ADORA2B: variants seen among roughly 807,000 people sequenced by gnomAD.
ADORA2B encodes the protein adenosine A2b receptor, also known as adenosine receptor A2b.
A neutral mutation model predicts 20.8 loss-of-function variants in ADORA2B; 18 were observed. That is an observed-to-expected ratio of 0.87 (90% CI 0.60 to 1.29). The LOEUF (loss-of-function observed/expected upper bound fraction) is 1.29. Among genes scored for constraint, ADORA2B ranks in the 50% most tolerant of loss-of-function variants. ADORA2B has a pLI of 0.00. For synonymous variants in ADORA2B, 179 were observed against 178.3 expected, an observed-to-expected ratio of 1.00 and a Z score of -0.03; for missense variants, 441 against 422.7, an observed-to-expected ratio of 1.04 and a Z score of -0.38.
the ADORA2B span, among the ~76,000 whole-genome samples, chr17:15,920,329 C>A: frequency 6.6e-6 from 1 of 152,138 alleles, no homozygotes; most frequent in African/African-American, 2.4e-5. Context: ...GTTCAGTATA[C>A]CCATGGAACA....
intron 1 of ADORA2B, among the ~76,000 whole-genome samples, chr17:15,957,701 A>C (rs1044683140): frequency 1.3e-5 from 2 of 151,646 alleles, no homozygotes. Flanking sequence ...TCTGGACCCA[A>C]CTCCTGCTTT....
At chr17:15,932,267 G>A in the ADORA2B span, among the ~76,000 whole-genome samples, 5 of 152,010 alleles carry the variant, frequency 3.3e-5, no homozygotes, top group South Asian at 1.0e-3. Context: ...GGCCGAGGTG[G>A]GAGGATCACT....
chr17:15,932,716 T>C, the ADORA2B span, among the ~76,000 whole-genome samples: 2 of 152,146 alleles, frequency 1.3e-5, no homozygotes, highest in African/African-American at 4.8e-5. Context: ...CTTTCTCCCA[T>C]TAAATTGTCA....
chr17:15,869,864 G>A, the ADORA2B span, among the ~76,000 whole-genome samples: 2 of 152,172 alleles, frequency 1.3e-5, no homozygotes, highest in African/African-American at 4.8e-5. Context: ...CATATACTGT[G>A]TTATAACTCA....
At chr17:15,903,613 A>G in the ADORA2B span, among the ~76,000 whole-genome samples, 90 of 152,198 alleles carry the variant, frequency 5.9e-4, no homozygotes, top group South Asian at 0.014. Flanking sequence ...CTCACTTGCT[A>G]TCTCCCTGTG....
At chr17:15,907,828 C>T in the ADORA2B span, among the ~76,000 whole-genome samples, 2 of 152,310 alleles carry the variant, frequency 1.3e-5, no homozygotes, top group South Asian at 2.1e-4. Flanking sequence ...AGATGCTGAT[C>T]GCAAAGTCTG....
At chr17:15,925,216 A>T in the ADORA2B span, among the ~76,000 whole-genome samples, 1 of 151,932 alleles carries the variant, frequency 6.6e-6, no homozygotes, top group Non-Finnish European at 1.5e-5. Context: ...TTGTATTTTT[A>T]GTAGAGACGG....
chr17:15,962,439 T>G (rs1337132666), intron 1 of ADORA2B, among the ~76,000 whole-genome samples: 1 of 152,218 alleles, frequency 6.6e-6, no homozygotes, highest in African/African-American at 2.4e-5. Context: ...CTCCTTGCCC[T>G]TCCTTATTTT....
the ADORA2B span, among the ~76,000 whole-genome samples, chr17:15,898,933 T>C: frequency 6.6e-6 from 1 of 152,120 alleles, no homozygotes; most frequent in East Asian, 1.9e-4. Flanking sequence ...GTGATGTGGA[T>C]TGAAAAATAA....
the ADORA2B span, among the ~76,000 whole-genome samples, chr17:15,910,858 C>T: frequency 1.3e-5 from 2 of 152,308 alleles, no homozygotes; most frequent in African/African-American, 4.8e-5. Flanking sequence ...ATCCCTGAGT[C>T]TCAAGCCACC....
the ADORA2B span, among the ~76,000 whole-genome samples, chr17:15,917,664 C>A: frequency 6.6e-6 from 1 of 152,234 alleles, no homozygotes; most frequent in Non-Finnish European, 1.5e-5. Flanking sequence ...CAGGGGCCTC[C>A]CCAGGCTGCG....
the ADORA2B span, among the ~76,000 whole-genome samples, chr17:15,874,553 G>C: frequency 1.3e-5 from 2 of 151,656 alleles, no homozygotes; most frequent in Non-Finnish European, 2.9e-5. Context: ...ATAAGCAGGC[G>C]TGGTGGCATG....
the ADORA2B span, among the ~76,000 whole-genome samples, chr17:15,921,824 T>G: frequency 1.3e-5 from 2 of 152,156 alleles, no homozygotes; most frequent in Non-Finnish European, 1.5e-5. Context: ...GTGGCATTTA[T>G]CCTCATAAAT....
At chr17:15,901,019 T>G in the ADORA2B span, among the ~76,000 whole-genome samples, 2 of 152,248 alleles carry the variant, frequency 1.3e-5, no homozygotes, top group African/African-American at 4.8e-5. Context: ...CCATGAAGGT[T>G]GTTGCTCACT....
chr17:15,854,812 G>A, the ADORA2B span, among the ~76,000 whole-genome samples: 8 of 152,114 alleles, frequency 5.3e-5, no homozygotes, highest in African/African-American at 1.9e-4. Flanking sequence ...CAATATCAAT[G>A]CCAGTATTAA....
At chr17:15,852,761 T>C in the ADORA2B span, among the ~76,000 whole-genome samples, 1 of 152,122 alleles carries the variant, frequency 6.6e-6, no homozygotes, top group South Asian at 2.1e-4. Context: ...GATTAAACAT[T>C]TTCAGAGAGG....
At chr17:15,862,501 A>G in the ADORA2B span, among the ~76,000 whole-genome samples, 2 of 152,106 alleles carry the variant, frequency 1.3e-5, no homozygotes, top group Admixed American at 6.5e-5. Context: ...GTGAGCCTCC[A>G]TGCCTGGCCA....
chr17:15,864,949 C>A, the ADORA2B span, among the ~76,000 whole-genome samples: 4,732 of 149,294 alleles, frequency 0.032, 284 homozygotes, highest in African/African-American at 0.11. Flanking sequence ...AGTGGGAATG[C>A]ATGAAAGAAT....
chr17:15,950,386 GC>G (rs1969883115), intron 1 of ADORA2B, among the ~76,000 whole-genome samples: 2 of 152,230 alleles, frequency 1.3e-5, no homozygotes, highest in South Asian at 4.2e-4. Context: ...GCACCAGGAA[GC>G]CACCCATCAG....
Sources: allele counts gnomAD v4.1 joint callset (sites outside exome capture counted in the v4.1 genomes callset), GRCh38; gene constraint gnomAD v4.1.1; transcripts MANE v1.5; gene names NCBI Gene and HGNC (gene_info 2026-07-23, HGNC 2026-07-21).